The following CDK14 variants were observed in gnomAD, a reference collection of about 807,000 sequenced individuals.
The protein encoded by CDK14 is cyclin-dependent kinase 14.
A neutral mutation model predicts 60.7 loss-of-function variants in CDK14; 34 were observed. The observed-to-expected ratio is 0.56, with a 90% confidence interval of 0.43 to 0.75. The LOEUF (loss-of-function observed/expected upper bound fraction) is 0.75. Ranked by LOEUF, CDK14 falls within the 30% of genes least tolerant of loss-of-function variation. CDK14 has a pLI of 0.00. For synonymous variants in CDK14, 197 were observed against 203.7 expected (o/e 0.97, Z 0.28); for missense variants, 482 against 564.1 (o/e 0.85, Z 1.47).
intron 14 of CDK14, among the ~76,000 whole-genome samples, chr7:91,144,578 C>A (rs1251998828): frequency 6.6e-6 from 1 of 152,118 alleles, no homozygotes; most frequent in Non-Finnish European, 1.5e-5. Flanking sequence ...AAGGGAGAAG[C>A]GACGCAGATA....
At chr7:90,848,629 G>T (rs765883774) in intron 5 of CDK14, among the ~76,000 whole-genome samples, 2 of 152,138 alleles carry the variant, frequency 1.3e-5, no homozygotes, top group Admixed American at 6.5e-5. Flanking sequence ...AGCAGCAGAG[G>T]GCTAGTGAGG....
chr7:91,186,853 T>C (rs1406954595), intron 14 of CDK14, among the ~76,000 whole-genome samples: 2 of 152,214 alleles, frequency 1.3e-5, no homozygotes, highest in Non-Finnish European at 2.9e-5. Flanking sequence ...AATTAAAATA[T>C]TCTCTGCATG....
chr7:91,044,486 A>G (rs1248673561), intron 10 of CDK14, among the ~76,000 whole-genome samples: 1 of 152,084 alleles, frequency 6.6e-6, no homozygotes, highest in Non-Finnish European at 1.5e-5. Context: ...TATCAGTCTT[A>G]AGGCCTGTGT....
chr7:90,856,441 G>T (rs1790819165), intron 5 of CDK14, among the ~76,000 whole-genome samples: 1 of 152,082 alleles, frequency 6.6e-6, no homozygotes, highest in African/African-American at 2.4e-5. Flanking sequence ...TATCACTAAG[G>T]AGAAGGTCCA....
chr7:91,145,022 A>G (rs1247868707), intron 14 of CDK14, among the ~76,000 whole-genome samples: 1 of 152,158 alleles, frequency 6.6e-6, no homozygotes, highest in Admixed American at 6.5e-5. Context: ...TCACCTTTTT[A>G]TTCTTACTTA....
chr7:90,652,578 G>C (rs868267834), intron 2 of CDK14, among the ~76,000 whole-genome samples: 3 of 152,168 alleles, frequency 2.0e-5, no homozygotes, highest in Admixed American at 2.0e-4. Flanking sequence ...ATATAGAAAA[G>C]ATACATTAAA....
chr7:90,991,380 G>A (rs897010411), intron 10 of CDK14, among the ~76,000 whole-genome samples: 3 of 152,244 alleles, frequency 2.0e-5, no homozygotes, highest in Non-Finnish European at 4.4e-5. Context: ...GTGGACCACT[G>A]CCTACCTTGT....
intron 2 of CDK14, among the ~76,000 whole-genome samples, chr7:90,698,547 C>T (rs1801713414): frequency 6.6e-6 from 1 of 152,066 alleles, no homozygotes; most frequent in African/African-American, 2.4e-5. Flanking sequence ...AAGATGATGC[C>T]TCATAATTTT....
chr7:90,643,309 TTTTC>T (rs567020245), intron 2 of CDK14, among the ~76,000 whole-genome samples: 226 of 152,328 alleles, frequency 1.5e-3, no homozygotes, highest in African/African-American at 5.3e-3. Flanking sequence ...CATTTGGTTG[TTTTC>T]TTTGTTTTTG....
rs536459221 is a variant in CDK14, at chr7:91,054,381, A to C, written c.1105+8421A>C. ...CCTTAGGGTATTTAGAGCTCTCCCC[A>C]CCCACCATCAGCTATCACCTTTGTG... On this transcript the variant is annotated intron_variant, in intron 11 of 14. Transcript: ENST00000380050. Among the ~76,000 whole-genome samples, 9 of 152,230 alleles carry C rather than the reference A, an allele frequency of 5.9e-5. No homozygotes were observed. In the South Asian group the frequency reaches 1.9e-3, roughly 32 times the overall value.
chr7:91,025,572 T>TTA (rs1250717674), intron 10 of CDK14, among the ~76,000 whole-genome samples: 2 of 152,204 alleles, frequency 1.3e-5, no homozygotes, highest in Non-Finnish European at 2.9e-5. Context: ...CTTTAATGTA[T>TTA]TATAGGTGGC....
intron 3 of CDK14, among the ~76,000 whole-genome samples, chr7:90,744,856 C>G (rs1188008308): frequency 9.1e-5 from 13 of 142,112 alleles, no homozygotes; most frequent in African/African-American, 3.2e-4. Context: ...GCTGACCCCC[C>G]CACCTCCCTC....
intron 2 of CDK14, among the ~76,000 whole-genome samples, chr7:90,669,578 C>G (rs201851536): frequency 3.8e-5 from 1 of 26,118 alleles, no homozygotes; most frequent in African/African-American, 1.6e-4. Flanking sequence ...ATAGAACCAA[C>G]ATGAAGAAAC....
intron 9 of CDK14, among the ~76,000 whole-genome samples, chr7:90,960,951 C>T (rs2117588918): frequency 6.6e-6 from 1 of 152,052 alleles, no homozygotes; most frequent in East Asian, 1.9e-4. Flanking sequence ...TATTCTGAGC[C>T]CTGTTATGCA....
chr7:91,101,198 C>A (rs1308719330), intron 12 of CDK14, among the ~76,000 whole-genome samples: 1 of 152,056 alleles, frequency 6.6e-6, no homozygotes, highest in African/African-American at 2.4e-5. Context: ...TCTAATAACC[C>A]CTTTACCAAC....
chr7:90,954,497 C>T (rs142416667), intron 8 of CDK14, among the ~76,000 whole-genome samples: 149 of 151,846 alleles, frequency 9.8e-4, no homozygotes, highest in African/African-American at 3.4e-3. Flanking sequence ...AAAATAATTG[C>T]ACATTCATTC....
chr7:90,864,254 C>A (rs1419277778), intron 6 of CDK14, among the ~76,000 whole-genome samples: 3 of 151,968 alleles, frequency 2.0e-5, no homozygotes, highest in African/African-American at 7.2e-5. Context: ...ATGATAGATA[C>A]ATTTGAATAA....
chr7:90,846,559 A>G (rs1790476192), intron 5 of CDK14, among the ~76,000 whole-genome samples: 1 of 152,180 alleles, frequency 6.6e-6, no homozygotes, highest in African/African-American at 2.4e-5. Flanking sequence ...CCAGATTCTA[A>G]AATGGGAAAA....
chr7:90,749,652 C>T (rs1454073537), intron 4 of CDK14, among the ~76,000 whole-genome samples: 1 of 152,200 alleles, frequency 6.6e-6, no homozygotes, highest in African/African-American at 2.4e-5. Flanking sequence ...CTCCATGCCC[C>T]AGCAAATCTC....
Sources: allele counts gnomAD v4.1 joint callset (sites outside exome capture counted in the v4.1 genomes callset), GRCh38; gene constraint gnomAD v4.1.1; transcripts MANE v1.5; gene names NCBI Gene and HGNC (gene_info 2026-07-23, HGNC 2026-07-21).